Variants in RIMBP2 observed in about 807,000 individuals in gnomAD.
The protein encoded by RIMBP2 is RIMS-binding protein 2.
RIMBP2 carries 48 observed loss-of-function variants against 118.6 expected under a neutral mutation model. The ratio of observed to expected loss-of-function variants is 0.40; its 90% CI spans 0.32 to 0.51. The LOEUF (loss-of-function observed/expected upper bound fraction) is 0.51, where lower values mean the gene tolerates loss of function less well. Ranked by LOEUF, RIMBP2 falls within the 20% of genes least tolerant of loss-of-function variation. RIMBP2 has a pLI of 0.41. For synonymous variants in RIMBP2, 762 were observed against 742.9 expected, an observed-to-expected ratio of 1.03 and a Z score of -0.42; for missense variants, 1,551 against 1,768.3, an observed-to-expected ratio of 0.88 and a Z score of 2.20.
intron 4 of RIMBP2, among the ~76,000 whole-genome samples, chr12:130,490,080 C>T (rs2048488500): frequency 6.9e-6 from 1 of 145,340 alleles, no homozygotes; most frequent in Admixed American, 7.1e-5. Flanking sequence ...GCCGAGACTG[C>T]ACCACTGCAC....
At chr12:130,560,529 C>G (rs34322552) in intron 2 of RIMBP2, among the ~76,000 whole-genome samples, 24,106 of 152,124 alleles carry the variant, frequency 0.16, 1,939 homozygotes, top group Middle Eastern at 0.25. Flanking sequence ...GTGCTCTGCT[C>G]CCACTCCCAT....
Position 130,456,486 on chromosome 12 carries a change from A to G in RIMBP2, c.358+10T>C. ...CCACCACAGCCAAGGCGGAAGGTCC[A>G]GGCGCTTACCTTTGCCGAGGGAGGT... On this transcript the variant is annotated intron_variant, in intron 7 of 22. Coordinates refer to ENST00000690449, the MANE Select transcript of RIMBP2 (RefSeq NM_001393629.1). The G allele has an allele frequency of 6.4e-7, 1 of 1,569,148 alleles. No homozygotes were observed. Among genetic ancestry groups the G allele is most frequent in the Non-Finnish European group, 8.7e-7 (1 of 1,152,358 alleles).
chr12:130,682,996 G>A (rs1442299739), intron 1 of RIMBP2, among the ~76,000 whole-genome samples: 1 of 152,214 alleles, frequency 6.6e-6, no homozygotes, highest in Non-Finnish European at 1.5e-5. Context: ...GTCTAATTAT[G>A]TCGGAGGCGC....
intron 6 of RIMBP2, 26 bp downstream of exon 6, chr12:130,470,667 G>A (rs926190218): frequency 2.3e-4 from 282 of 1,226,230 alleles, no homozygotes; most frequent in Non-Finnish European, 2.8e-4. Context: ...CCACCCCCGG[G>A]CAGAAAGCAG....
chr12:130,526,363 T>C (rs2052785672), intron 2 of RIMBP2, among the ~76,000 whole-genome samples: 1 of 152,192 alleles, frequency 6.6e-6, no homozygotes, highest in African/African-American at 2.4e-5. Flanking sequence ...AATGGTGCTT[T>C]TGTGCTCGAT....
rs2078900624 is a variant in RIMBP2 at position 130,450,394 on chromosome 12, CTG to C, written c.505-120_505-119del. ...GGGCCCCAGGAGGGACGGCCTGAGACTGTGGCACTCCCAGGAGGCACTGCCAC... is the reference window on the plus strand; with the variant it reads ...GGGCCCCAGGAGGGACGGCCTGAGACTGGCACTCCCAGGAGGCACTGCCAC... On this transcript the variant is annotated intron_variant, in intron 8 of 22. Transcript: ENST00000690449. This position sits in a 1 kb window ranked among gnomAD's most constrained non-coding sequence, Gnocchi z 4.8. 2 of 727,828 alleles carry C rather than the reference CTG, an allele frequency of 2.7e-6. No individual in the cohort carries two copies. Among genetic ancestry groups the C allele is most frequent in the Admixed American group, 4.2e-5 (2 of 47,858 alleles). The allele number at this position is 727,828 out of a possible 1,614,324, so 45.1% of individuals were successfully genotyped here.
In RIMBP2 at chr12:130,487,788, C is replaced by A. The variant is rs556403989; in HGVS notation, c.-3-8772G>T. Among the ~76,000 whole-genome samples the A allele has an allele frequency of 1.4e-3, 206 of 152,240 alleles. 1 individual carries two copies. The highest frequency in any genetic ancestry group is 4.7e-3 in the African/African-American group (197 of 41,546). ...GTTTCCCTGTCTACTGGTGCACCCCCGGCCCAGAACAGTCTCTGACACATG... is the reference window on the plus strand; with the variant it reads ...GTTTCCCTGTCTACTGGTGCACCCCAGGCCCAGAACAGTCTCTGACACATG... On this transcript the variant is annotated intron_variant, in intron 4 of 22. Transcript: ENST00000690449.
intron 1 of RIMBP2, among the ~76,000 whole-genome samples, chr12:130,709,490 A>G (rs1414252770): frequency 6.6e-6 from 1 of 152,234 alleles, no homozygotes; most frequent in Admixed American, 6.5e-5. Flanking sequence ...ACGCAGCTCG[A>G]GCCCTTGGCC....
rs145121871 is a variant in RIMBP2, at chr12:130,505,240, C to T, written c.-4+1408G>A. Among the ~76,000 whole-genome samples the T allele has an allele frequency of 9.0e-3, 1,367 of 152,126 alleles. 10 individuals carry two copies. Among genetic ancestry groups the T allele is most frequent in the Non-Finnish European group, 0.011 (716 of 67,988 alleles). On this transcript the variant is annotated intron_variant, in intron 4 of 22. Transcript: ENST00000690449. ...GACCAGCTTGGTTCACATTCAGGGC[C>T]GGTAGTCAGAGAATAGGGCATCTTT... is the stretch of plus-strand genomic sequence containing the variant.
At chr12:130,477,717 G>T (rs1271314857) in intron 5 of RIMBP2, among the ~76,000 whole-genome samples, 1 of 152,324 alleles carries the variant, frequency 6.6e-6, no homozygotes, top group East Asian at 1.9e-4. Context: ...GAGGAGAAAC[G>T]CTGCTCCGGC....
intron 1 of RIMBP2, among the ~76,000 whole-genome samples, chr12:130,697,092 G>T (rs1299347484): frequency 6.6e-6 from 1 of 152,224 alleles, no homozygotes; most frequent in Non-Finnish European, 1.5e-5. Context: ...GATGGGATCA[G>T]GTTCATATTT....
Position 130,434,113 on chromosome 12 carries a change from C to T in RIMBP2, c.2253+621G>A, listed in dbSNP as rs144895886. Among the ~76,000 whole-genome samples the T allele has an allele frequency of 6.6e-4, 101 of 152,316 alleles. No individual in the cohort carries two copies. The highest frequency in any genetic ancestry group is 1.3e-3 in the Non-Finnish European group (89 of 68,020). ...CAGAGGATACTGTGTGATCTGATAA[C>T]TGCAGCGTCTTCGAGCTCCCACTAT... On this transcript the variant is annotated intron_variant, in intron 14 of 22. Transcript: ENST00000690449. The surrounding 1 kb of genome is among the most constrained non-coding windows in gnomAD (Gnocchi z 5.7).
At chr12:130,565,743 C>T (rs1289235991) in intron 2 of RIMBP2, among the ~76,000 whole-genome samples, 2 of 152,072 alleles carry the variant, frequency 1.3e-5, no homozygotes, top group Non-Finnish European at 2.9e-5. Context: ...TTATTTATTA[C>T]CATCACATTT....
chr12:130,596,720 A>T (rs1178526014), intron 2 of RIMBP2, among the ~76,000 whole-genome samples: 1 of 152,238 alleles, frequency 6.6e-6, no homozygotes, highest in Non-Finnish European at 1.5e-5. Context: ...AAGAGCCCCT[A>T]ACAGCCCCAC....
chr12:130,699,217 C>T (rs930474585), intron 1 of RIMBP2, among the ~76,000 whole-genome samples: 8 of 152,156 alleles, frequency 5.3e-5, no homozygotes, highest in Non-Finnish European at 8.8e-5. Flanking sequence ...ACCCATCCAT[C>T]CCATTACTGG....
chr12:130,436,444 T>A (rs1354422261), intron 13 of RIMBP2, among the ~76,000 whole-genome samples: 1 of 152,138 alleles, frequency 6.6e-6, no homozygotes, highest in Non-Finnish European at 1.5e-5. Context: ...TATATTTACA[T>A]GCACACACAC....
intron 19 of RIMBP2, among the ~76,000 whole-genome samples, chr12:130,410,050 C>G (rs909467747): frequency 6.6e-6 from 1 of 152,268 alleles, no homozygotes; most frequent in Non-Finnish European, 1.5e-5. Context: ...TGTGCCCACA[C>G]CTGCGACGGC....
At chr12:130,505,346 G>A (rs4300423) in intron 4 of RIMBP2, among the ~76,000 whole-genome samples, 32,792 of 151,934 alleles carry the variant, frequency 0.22, 3,848 homozygotes, top group Non-Finnish European at 0.25. Context: ...TTAGTGTGCA[G>A]TGCCCCATGG....
In RIMBP2 at chr12:130,705,319, C is replaced by T. The variant is rs117805604; in HGVS notation, c.-352+10903G>A. Among the ~76,000 whole-genome samples the T allele has an allele frequency of 5.7e-3, 871 of 152,316 alleles. 7 individuals are homozygous for T. Among genetic ancestry groups the T allele is most frequent in the Non-Finnish European group, 8.5e-3 (578 of 68,028 alleles). On this transcript the variant is annotated intron_variant, in intron 1 of 22. Coordinates refer to ENST00000690449, the MANE Select transcript of RIMBP2 (RefSeq NM_001393629.1). ...AGACTAGACAGGCTCATGAAGCCGC[C>T]CGGAGCCTCCCGGCCAGTCACCACG...
Sources: gnomAD v4.1 joint callset for allele counts (sites outside exome capture counted in the v4.1 genomes callset) on GRCh38, gnomAD v4.1.1 for gene constraint, Gnocchi (gnomAD v3.1) non-coding constraint, MANE v1.5 for transcripts, NCBI Gene and HGNC (gene_info 2026-07-23, HGNC 2026-07-21) for gene names.